CHTF18: variants seen among roughly 807,000 people sequenced by gnomAD.
CHTF18 encodes chromosome transmission fidelity factor 18, also known as chromosome transmission fidelity protein 18 homolog.
CHTF18 carries 151 observed loss-of-function variants against 113.4 expected under a neutral mutation model. The observed-to-expected ratio is 1.33, with a 90% CI of 1.17 to 1.52. CHTF18 has a LOEUF of 1.52. Among genes scored for constraint, CHTF18 ranks in the 40% most tolerant of loss-of-function variants. The pLI, the probability that CHTF18 is intolerant of heterozygous loss-of-function variation, is 0.00. For synonymous variants in CHTF18, 916 were observed against 598.8 expected (o/e 1.53, Z -7.74); for missense variants, 1,982 against 1,381.6 (o/e 1.43, Z -6.89).
At position 789,719 on chromosome 16, in the gene CHTF18, C is replaced by T. The variant is rs150215116; in HGVS notation, c.606+4C>T. On this transcript the variant is annotated splice_donor_region_variant and intron_variant, in intron 4 of 21. Transcript: ENST00000262315. ...CCCCATGGCCCCGGGGGTGCAGGTG[C>T]GTGGCTGTGGCCTTCCTGCACGGTG... 2.8e-4 allele frequency: 443 copies of T among 1,579,024 alleles called. 1 individual carries two copies. The African/African-American group carries it at 4.9e-3, about 17-fold the overall frequency.
Position 792,776 on chromosome 16 carries a change from ACT to A in CHTF18, c.1540_1541del (p.Leu514AlafsTer29). ...GGCCTTCCTGCTCCACTTCCCGCCGACTCTGCCCTCGAGGCTGGTGCAGCGGC... is the reference window on the plus strand; with the variant it reads ...GGCCTTCCTGCTCCACTTCCCGCCGACTGCCCTCGAGGCTGGTGCAGCGGC... ...QQAFLLHFPPTLPSRLVQRLQ... is the reference protein window; with the variant it reads ...QQAFLLHFPPXLPSRLVQRLQ... On this transcript the variant is annotated frameshift_variant, in exon 12 of 22. Coordinates refer to ENST00000262315, the MANE Select transcript of CHTF18 (RefSeq NM_022092.3). LOFTEE classifies it high-confidence loss of function. 2 of 1,546,166 alleles carry A rather than the reference ACT, an allele frequency of 1.3e-6. No individual in the cohort carries two copies. Among genetic ancestry groups the A allele is most frequent in the Non-Finnish European group, 1.7e-6 (2 of 1,150,038 alleles).
rs747634004 is a variant in CHTF18, at chr16:790,183, C to G, written c.613C>G (p.Leu205Val). The G allele has an allele frequency of 1.8e-5, 28 of 1,597,000 alleles. No homozygotes were observed. Among genetic ancestry groups the G allele is most frequent in the Non-Finnish European group, 2.3e-5 (27 of 1,172,844 alleles). ...TGTCCTCCCTTCCCCACAGGGCTCT[C>G]TCCTCCACGTCCCATGGCGAGGCGG... ...DPMAPGVQGSLLHVPWRGGGQ... is the reference protein window; with the variant it reads ...DPMAPGVQGSVLHVPWRGGGQ... The change falls in exon 5 of 22, where the codon CTC (leucine) becomes GTC (valine). Residue 205 changes from leucine to valine, a missense_variant. Coordinates refer to ENST00000262315, the MANE Select transcript of CHTF18 (RefSeq NM_022092.3).
intron 11 of CHTF18, 41 bp downstream of exon 11, chr16:792,631 G>A (rs779151265): frequency 6.3e-7 from 1 of 1,591,874 alleles, no homozygotes; most frequent in South Asian, 1.1e-5. Flanking sequence ...AGAGGCTCTG[G>A]TGCCTGGAGG....
In CHTF18 at chr16:788,711, C is replaced by T. The variant is rs1469336696; in HGVS notation, c.27C>T (p.Cys9=). 14 of 1,600,316 alleles carry T rather than the reference C, an allele frequency of 8.7e-6. No homozygotes were observed. In the African/African-American group the frequency reaches 1.2e-4, roughly 14 times the overall value. Residue 9 remains cysteine (C), a synonymous_variant, in exon 1 of 22, where the codon TGC becomes TGT. Coordinates refer to ENST00000262315, the MANE Select transcript of CHTF18 (RefSeq NM_022092.3). MEDYEQEL[C]GVEDDFHNQF... is the part of the protein sequence containing the mutation. ...TGGAGGACTACGAGCAGGAGCTGTG[C>T]GGCGTCGAGGATGATTTCCACAACC...
At chr16:788,903 G>T in intron 1 of CHTF18, 28 bp from the exon 2 acceptor site, 1 of 1,509,824 alleles carries the variant, frequency 6.6e-7, no homozygotes, top group South Asian at 1.3e-5. Flanking sequence ...GTCTCGGGGC[G>T]GCCGCTGACA....
chr16:789,167 G>A (rs773176793), intron 2 of CHTF18, 42 bp downstream of exon 2: 49 of 1,549,810 alleles, frequency 3.2e-5, no homozygotes, highest in Non-Finnish European at 4.3e-5. Flanking sequence ...GAGTGGGCGC[G>A]AGGCTGAGGA....
chr16:788,770 T>G lies in CHTF18; in HGVS notation c.86T>G (p.Leu29Arg). 6.3e-7 allele frequency: 1 copy of G among 1,595,916 alleles called. No individual in the cohort carries two copies. Among genetic ancestry groups the G allele is most frequent in the Non-Finnish European group, 8.5e-7 (1 of 1,172,742 alleles). The change falls in exon 1 of 22, where the codon CTG becomes CGG. Residue 29 changes from leucine to arginine, a missense_variant. Leu to Arg is a moderately radical substitution (Grantham distance 102). Transcript: ENST00000262315. ...FAAELEVLAELEGASTPSPSG... is the reference protein window; with the variant it reads ...FAAELEVLAEREGASTPSPSG... Reference sequence around the variant, plus strand: ...GCCGAGCTGGAGGTGCTGGCAGAGCTGGAAGGTGGGGCGCGGCCCCCGGCC... The same window carrying G: ...GCCGAGCTGGAGGTGCTGGCAGAGCGGGAAGGTGGGGCGCGGCCCCCGGCC...
chr16:790,798 G>C, intron 7 of CHTF18, 132 bp downstream of exon 7: 1 of 1,436,018 alleles, frequency 7.0e-7, no homozygotes, highest in African/African-American at 1.4e-5. Flanking sequence ...TTGCCCTTTT[G>C]AGTTGTAGGT....
chr16:791,477 G>C, intron 8 of CHTF18, 107 bp downstream of exon 8: 2 of 1,456,602 alleles, frequency 1.4e-6, no homozygotes, highest in South Asian at 1.4e-5. Flanking sequence ...GTGTGGTGAC[G>C]TGTGGGTCTT....
intron 15 of CHTF18, 41 bp downstream of exon 15, chr16:794,242 G>C (rs200751700): frequency 3.1e-6 from 5 of 1,598,608 alleles, no homozygotes; most frequent in South Asian, 1.1e-5. Flanking sequence ...GGGCCGCCTG[G>C]CTAGGACCTG....
Position 793,243 on chromosome 16 carries a change from CAGG to C in CHTF18, c.1775_1777del (p.Glu592del). 1 of 1,608,048 alleles carries C rather than the reference CAGG, an allele frequency of 6.2e-7. No individual in the cohort carries two copies. Among genetic ancestry groups the C allele is most frequent in the South Asian group, 1.1e-5 (1 of 90,292 alleles). ...GCGCAGAGGGCTCTTCTCGGTGTGG[CAGG>C]AGGTCTTCCAGCTGCCTCGAGCCCA... is the stretch of plus-strand genomic sequence containing the variant. On this transcript the variant is annotated inframe_deletion, in exon 14 of 22. Transcript: ENST00000262315.
rs114140868 is a variant in CHTF18 at position 790,267 on chromosome 16, G to A, written c.697G>A (p.Glu233Lys). 1.2e-3 allele frequency: 1,924 copies of A among 1,607,536 alleles called. 25 individuals are homozygous for A. In the African/African-American group the frequency reaches 0.022, roughly 18 times the overall value. ...CTCCCTGAAGAAGCAGGTCGACGGC[G>A]AGGTAGGGGCTGCGGGTTTGCTGGG... ...LASLKKQVDG[E>K]RRERLLQEAQ... The change falls in exon 5 of 22, where the codon GAG becomes AAG. Residue 233 changes from glutamate (E) to lysine (K), a missense_variant and splice_region_variant. Transcript: ENST00000262315.
At chr16:794,684 C>T (rs370684568) in intron 15 of CHTF18, 14 of 226,656 alleles carry the variant, frequency 6.2e-5, no homozygotes, top group Admixed American at 2.6e-4. Context: ...TCCCAAAAGC[C>T]GCGATGTGGA....
rs200430443 is a variant in CHTF18, at chr16:797,004, T to C, written c.2645T>C (p.Ile882Thr). The C allele has an allele frequency of 3.7e-5, 58 of 1,548,412 alleles. 1 individual carries two copies. In the East Asian group the frequency reaches 8.0e-4, roughly 21 times the overall value. ...PPGLEGLLGG[I>T]GEKGVHRPAP... ...GGGCTCGAGGGTCTGCTGGGGGGCATTGGGGAGAAAGGGGTGCACCGACCT... is the reference window on the plus strand; with the variant it reads ...GGGCTCGAGGGTCTGCTGGGGGGCACTGGGGAGAAAGGGGTGCACCGACCT... Residue 882 changes from isoleucine to threonine, a missense_variant, in exon 20 of 22, where the codon ATT becomes ACT. Coordinates refer to ENST00000262315, the MANE Select transcript of CHTF18 (RefSeq NM_022092.3).
intron 14 of CHTF18, chr16:793,720 T>C (rs1472303254): frequency 1.6e-6 from 1 of 640,818 alleles, no homozygotes; most frequent in Non-Finnish European, 2.9e-6. Flanking sequence ...GGCCTGGTCG[T>C]GCTGCAGGAT....
chr16:789,217 G>T lies in CHTF18; in HGVS notation c.294G>T (p.Arg98Ser), dbSNP rs1189589392. Reference sequence around the variant, plus strand: ...TGCATGTGTCTCCCCCAGCCCCCAGGATCAAACGGCCTAGGCTGCAGGTGG... The same window carrying T: ...TGCATGTGTCTCCCCCAGCCCCCAGTATCAAACGGCCTAGGCTGCAGGTGG... ...QPAGSLPHAP[R>S]IKRPRLQVVK... is the part of the protein sequence containing the mutation. The change falls in exon 3 of 22, where the codon AGG (arginine) becomes AGT (serine). Residue 98 changes from arginine (R) to serine (S), a missense_variant. Coordinates refer to ENST00000262315, the MANE Select transcript of CHTF18 (RefSeq NM_022092.3). 1.3e-6 allele frequency: 2 copies of T among 1,551,556 alleles called. No homozygotes were observed. Among genetic ancestry groups the T allele is most frequent in the Admixed American group, 2.0e-5 (1 of 51,156 alleles).
chr16:796,198 C>G (rs2042342444), intron 18 of CHTF18, 121 bp downstream of exon 18: 3 of 1,313,750 alleles, frequency 2.3e-6, no homozygotes, highest in African/African-American at 1.5e-5. Context: ...GGGTGGCGGG[C>G]CCCAGCTTAT....
At chr16:789,871 A>G (rs1243265750) in intron 4 of CHTF18, 156 bp downstream of exon 4, 10 of 1,335,276 alleles carry the variant, frequency 7.5e-6, no homozygotes, top group Non-Finnish European at 1.0e-5. Flanking sequence ...GTAGACTTAG[A>G]GGACACAGCC....
intron 18 of CHTF18, 126 bp from the exon 19 acceptor site, chr16:796,591 G>C (rs2042354732): frequency 8.5e-7 from 1 of 1,169,956 alleles, no homozygotes; most frequent in South Asian, 1.6e-5. Context: ...GGTGGCACCA[G>C]GACTCAGCCC....
Sources: gnomAD v4.1 joint callset for allele counts on GRCh38, gnomAD v4.1.1 for gene constraint, MANE v1.5 for transcripts, NCBI Gene and HGNC (gene_info 2026-07-23, HGNC 2026-07-21) for gene names.